Variants in CNTNAP2 observed in about 807,000 individuals in gnomAD.
CNTNAP2 encodes the protein contactin associated protein 2, also known as contactin-associated protein-like 2.
A neutral mutation model predicts 155.2 loss-of-function variants in CNTNAP2; 98 were observed. The ratio of observed to expected loss-of-function variants is 0.63; its 90% CI spans 0.54 to 0.75. CNTNAP2 has a LOEUF of 0.75. Ranked by LOEUF, CNTNAP2 falls within the 30% of genes least tolerant of loss-of-function variation. CNTNAP2 has a pLI of 0.00. For synonymous variants in CNTNAP2, 651 were observed against 631.2 expected (o/e 1.03, Z -0.47); for missense variants, 1,727 against 1,688.1 (o/e 1.02, Z -0.40).
chr7:146,790,908 G>A (rs976454524), intron 2 of CNTNAP2, among the ~76,000 whole-genome samples: 4 of 151,700 alleles, frequency 2.6e-5, no homozygotes, highest in Non-Finnish European at 2.9e-5. Flanking sequence ...CTGGAGACAG[G>A]CTTTGAGTAC....
At chr7:147,601,917 A>G (rs1800954513) in intron 12 of CNTNAP2, among the ~76,000 whole-genome samples, 1 of 151,964 alleles carries the variant, frequency 6.6e-6, no homozygotes. Context: ...TATTTGTAAA[A>G]GAAAGTAAGT....
chr7:146,606,552 A>G (rs117017941), intron 1 of CNTNAP2, among the ~76,000 whole-genome samples: 1,712 of 152,324 alleles, frequency 0.011, 19 homozygotes, highest in Middle Eastern at 0.024. Flanking sequence ...AAGCCTAGCC[A>G]TAAGTCTATA....
intron 1 of CNTNAP2, among the ~76,000 whole-genome samples, chr7:146,247,181 AT>A (rs2116937274): frequency 6.6e-6 from 1 of 152,194 alleles, no homozygotes; most frequent in South Asian, 2.1e-4. Context: ...ACTGGGCTGG[AT>A]TTTTCATATT....
At chr7:146,217,602 C>T (rs745627230) in intron 1 of CNTNAP2, among the ~76,000 whole-genome samples, 8 of 152,026 alleles carry the variant, frequency 5.3e-5, no homozygotes, top group East Asian at 1.9e-4. Context: ...TTTCTCTACA[C>T]GAAAGTATGC....
chr7:146,857,165 G>GA (rs1200229754), intron 3 of CNTNAP2, among the ~76,000 whole-genome samples: 1 of 151,832 alleles, frequency 6.6e-6, no homozygotes, highest in East Asian at 1.9e-4. Context: ...ACATGGTTCA[G>GA]AAAAAATAAT....
At chr7:146,268,807 T>C (rs567880653) in intron 1 of CNTNAP2, among the ~76,000 whole-genome samples, 73 of 152,364 alleles carry the variant, frequency 4.8e-4, no homozygotes, top group African/African-American at 1.7e-3. Flanking sequence ...ATCCATTATT[T>C]ACGTGGTCTT....
chr7:147,678,236 C>A (rs1176509611), intron 13 of CNTNAP2, among the ~76,000 whole-genome samples: 1 of 151,734 alleles, frequency 6.6e-6, no homozygotes, highest in African/African-American at 2.4e-5. Context: ...CATTGCCTTG[C>A]AGCAGTTTTT....
At chr7:147,284,609 A>G (rs982123123) in intron 8 of CNTNAP2, among the ~76,000 whole-genome samples, 4 of 152,054 alleles carry the variant, frequency 2.6e-5, no homozygotes, top group African/African-American at 4.8e-5. Context: ...AATGCCTATC[A>G]CATTTAGTTT....
intron 9 of CNTNAP2, among the ~76,000 whole-genome samples, chr7:147,353,969 C>A (rs826817): frequency 0.19 from 22,227 of 117,012 alleles, 1,834 homozygotes; most frequent in East Asian, 0.34. Context: ...ATATCCTTCG[C>A]CCACTTTTTG....
intron 1 of CNTNAP2, among the ~76,000 whole-genome samples, chr7:146,134,984 T>A (rs1170048911): frequency 6.6e-6 from 1 of 152,010 alleles, no homozygotes; most frequent in Admixed American, 6.6e-5. Flanking sequence ...TCAGAAGGAA[T>A]GGTACCAGTT....
chr7:146,372,731 C>A (rs1330064544), intron 1 of CNTNAP2, among the ~76,000 whole-genome samples: 1 of 152,248 alleles, frequency 6.6e-6, no homozygotes, highest in East Asian at 1.9e-4. Flanking sequence ...TGAGGAACAT[C>A]TACTCTAGGA....
intron 8 of CNTNAP2, among the ~76,000 whole-genome samples, chr7:147,298,085 A>G (rs7777057): frequency 0.062 from 9,380 of 152,212 alleles, 381 homozygotes; most frequent in African/African-American, 0.12. Flanking sequence ...AGTCTTTTGC[A>G]TTAATTCCTT....
intron 12 of CNTNAP2, among the ~76,000 whole-genome samples, chr7:147,625,370 A>AATAT (rs1794952118): frequency 6.6e-6 from 1 of 152,144 alleles, no homozygotes; most frequent in Admixed American, 6.6e-5. Flanking sequence ...GTACCCCATA[A>AATAT]ATATATATAC....
chr7:146,545,626 A>T (rs977004177), intron 1 of CNTNAP2, among the ~76,000 whole-genome samples: 5 of 151,918 alleles, frequency 3.3e-5, no homozygotes, highest in African/African-American at 1.2e-4. Flanking sequence ...TTTGCTGAGA[A>T]TGATGGTTGC....
At chr7:147,686,017 G>A (rs969410585) in intron 13 of CNTNAP2, among the ~76,000 whole-genome samples, 7 of 151,750 alleles carry the variant, frequency 4.6e-5, no homozygotes, top group East Asian at 3.9e-4. Context: ...TGAGAGGGAG[G>A]GCCATTAGTG....
chr7:146,176,898 T>C (rs1276773350), intron 1 of CNTNAP2, among the ~76,000 whole-genome samples: 1 of 152,216 alleles, frequency 6.6e-6, no homozygotes, highest in Admixed American at 6.5e-5. Flanking sequence ...CCTCTAGCTA[T>C]AGCCACAAGT....
chr7:147,281,185 A>T (rs1335422921), intron 8 of CNTNAP2, among the ~76,000 whole-genome samples: 1 of 151,922 alleles, frequency 6.6e-6, no homozygotes, highest in Non-Finnish European at 1.5e-5. Flanking sequence ...ATATGTGAAC[A>T]TTACAAATAA....
At chr7:146,974,851 T>C (rs113475439) in intron 3 of CNTNAP2, among the ~76,000 whole-genome samples, 105 of 151,104 alleles carry the variant, frequency 6.9e-4, no homozygotes, top group African/African-American at 2.3e-3. Flanking sequence ...ATACAAAAAT[T>C]AGCCAGGTAT....
At chr7:148,247,639 A>ATTTTTTT (rs1796292743) in intron 20 of CNTNAP2, among the ~76,000 whole-genome samples, 1 of 128,384 alleles carries the variant, frequency 7.8e-6, no homozygotes, top group African/African-American at 3.2e-5. Flanking sequence ...TTATTTATTT[A>ATTTTTTT]TTTATTTATT....
Sources: allele counts gnomAD v4.1 joint callset (sites outside exome capture counted in the v4.1 genomes callset), GRCh38; gene constraint gnomAD v4.1.1; transcripts MANE v1.5; gene names NCBI Gene and HGNC (gene_info 2026-07-23, HGNC 2026-07-21).